The following LIG1 variants were observed in gnomAD, a reference collection of about 807,000 sequenced individuals.
The protein encoded by LIG1 is DNA ligase 1.
In LIG1, 70 loss-of-function variants were observed where a neutral mutation model predicts 115.7. That is an observed-to-expected ratio of 0.60 (90% CI 0.50 to 0.74). LIG1 has a LOEUF of 0.74. Ranked by LOEUF, LIG1 falls within the 30% of genes least tolerant of loss-of-function variation. The pLI is 0.00. For missense variants in LIG1, 1,115 were observed against 1,225.6 expected, an observed-to-expected ratio of 0.91 and a Z score of 1.35; for synonymous variants, 487 against 495.3, an observed-to-expected ratio of 0.98 and a Z score of 0.22.
Position 48,143,892 on chromosome 19 carries a change from G to A in LIG1, c.848C>T (p.Pro283Leu), listed in dbSNP as rs574879811. 77 of 1,613,468 alleles carry A rather than the reference G, an allele frequency of 4.8e-5. No individual in the cohort carries two copies. The Middle Eastern group carries it at 6.6e-4, about 14-fold the overall frequency. Residue 283 changes from proline to leucine, a missense_variant, in exon 10 of 28, where the codon CCG (proline) becomes CTG (leucine). Physicochemically the swap from Pro to Leu is moderately conservative, Grantham distance 98 (BLOSUM62 -3). Coordinates refer to ENST00000263274, the MANE Select transcript of LIG1 (RefSeq NM_000234.3). ...AAGGGAGAAACCTCACTTCTGGCCC[G>A]GTTTCCAGCAGGCATCTTCCACGGG... Reference protein sequence around the residue: ...YHPVEDACWKPGQKVPYLAVA... With the variant: ...YHPVEDACWKLGQKVPYLAVA...
rs189517194 is a variant in LIG1, at chr19:48,133,012, G to A, written c.1695C>T (p.Cys565=). ...LKRFEEAAFT[C]EYKYDGQRAQ... ...CCCTCTGCCCGTCATATTTGTATTCGCAGGTGAAAGCTGCCTCCTCAAAGC... is the reference window on the plus strand; with the variant it reads ...CCCTCTGCCCGTCATATTTGTATTCACAGGTGAAAGCTGCCTCCTCAAAGC... The change falls in exon 18 of 28, where the codon TGC becomes TGT. Residue 565 remains cysteine, a synonymous_variant. Transcript: ENST00000263274. The A allele has an allele frequency of 2.0e-5, 32 of 1,613,780 alleles. No homozygotes were observed. Among genetic ancestry groups the A allele is most frequent in the Admixed American group, 3.3e-5 (2 of 60,010 alleles).
chr19:48,155,136 C>A (rs781618714), intron 5 of LIG1, among the ~76,000 whole-genome samples: 5 of 152,138 alleles, frequency 3.3e-5, no homozygotes, highest in African/African-American at 7.2e-5. Flanking sequence ...ATGCCCTCAG[C>A]CACACTGTGA....
At chr19:48,163,107 G>A (rs60315650) in intron 2 of LIG1, among the ~76,000 whole-genome samples, 4,189 of 151,302 alleles carry the variant, frequency 0.028, 132 homozygotes, top group Middle Eastern at 0.064. Flanking sequence ...TGGTAGACAC[G>A]GGTTTTCTCC....
chr19:48,134,399 T>G (rs2034244130), intron 16 of LIG1, among the ~76,000 whole-genome samples: 1 of 152,222 alleles, frequency 6.6e-6, no homozygotes, highest in African/African-American at 2.4e-5. Context: ...CCTACAGGCA[T>G]GTAATCCCAG....
intron 5 of LIG1, among the ~76,000 whole-genome samples, chr19:48,156,670 C>T (rs961586525): frequency 1.3e-5 from 2 of 151,334 alleles, no homozygotes; most frequent in African/African-American, 4.9e-5. Flanking sequence ...TGGCTGGGTG[C>T]GGTGGCTCAC....
At chr19:48,128,168 T>G in intron 19 of LIG1, 148 bp from the exon 20 acceptor site, 4 of 703,518 alleles carry the variant, frequency 5.7e-6, no homozygotes, top group East Asian at 5.3e-5. Flanking sequence ...TTTTCTTTTA[T>G]TCCCCACCAA....
Position 48,121,302 on chromosome 19 carries a change from A to C in LIG1, c.2253T>G (p.Asp751Glu). The C allele has an allele frequency of 6.2e-7, 1 of 1,606,924 alleles. No homozygotes were observed. Among genetic ancestry groups the C allele is most frequent in the Non-Finnish European group, 8.5e-7 (1 of 1,174,730 alleles). Reference protein sequence around the residue: ...NWLKLKKDYLDGVGDTLDLVV... With the variant: ...NWLKLKKDYLEGVGDTLDLVV... The stretch of plus-strand genomic sequence containing the variant: ...CCAGGTCCAGGGTGTCACCCACGCC[A>C]TCAAGGTAGTCCTTCTTCAGCTGGG... Residue 751 changes from aspartate (D) to glutamate (E), a missense_variant, in exon 24 of 28, where the codon GAT (aspartate) becomes GAG (glutamate). Coordinates refer to ENST00000263274, the MANE Select transcript of LIG1 (RefSeq NM_000234.3).
chr19:48,151,428 G>A, intron 6 of LIG1, 89 bp from the exon 7 acceptor site: 2 of 836,030 alleles, frequency 2.4e-6, no homozygotes, highest in South Asian at 2.7e-5. Context: ...GCCCTCATCT[G>A]TCATCTGTTC....
Position 48,121,153 on chromosome 19 carries a change from C to T in LIG1, c.2385+17G>A. 1.2e-6 allele frequency: 2 copies of T among 1,614,070 alleles called. No homozygotes were observed. The highest frequency in any genetic ancestry group is 2.2e-5 in the South Asian group (2 of 91,076). The stretch of plus-strand genomic sequence containing the variant: ...CCTTCCCTCCTGCTTCTGCCATCAG[C>T]CCCAGTTCCCCAGGACCTTGCATAT... On this transcript the variant is annotated intron_variant, in intron 24 of 27. Coordinates refer to ENST00000263274, the MANE Select transcript of LIG1 (RefSeq NM_000234.3).
chr19:48,158,681 C>A (rs2035996125), intron 4 of LIG1, among the ~76,000 whole-genome samples: 1 of 152,252 alleles, frequency 6.6e-6, no homozygotes, highest in East Asian at 1.9e-4. Context: ...GCACAGCCGG[C>A]TTGCCGGGGG....
At chr19:48,151,061 A>G (rs2035442792) in intron 7 of LIG1, among the ~76,000 whole-genome samples, 171 bp downstream of exon 7, 1 of 152,006 alleles carries the variant, frequency 6.6e-6, no homozygotes, top group African/African-American at 2.4e-5. Context: ...ATGGGGAAAA[A>G]TAATAATTAA....
chr19:48,153,359 T>C (rs2035595661), intron 6 of LIG1, among the ~76,000 whole-genome samples: 1 of 152,010 alleles, frequency 6.6e-6, no homozygotes. Flanking sequence ...CTAAGAATGT[T>C]TGGGAACTGC....
In LIG1 at chr19:48,143,603, G is replaced by C. The variant is rs1030666895; in HGVS notation, c.858-4C>G. 3 of 1,611,290 alleles carry C rather than the reference G, an allele frequency of 1.9e-6. No homozygotes were observed. The highest frequency in any genetic ancestry group is 2.5e-6 in the Non-Finnish European group (3 of 1,178,920). Reference sequence around the variant, plus strand: ...GGCCACAGCCAGGTAAGGAACCCTAGGGAAGGAAAAGAGACGCAAGAGTGA... The same window carrying C: ...GGCCACAGCCAGGTAAGGAACCCTACGGAAGGAAAAGAGACGCAAGAGTGA... On this transcript the variant is annotated splice_polypyrimidine_tract_variant and splice_region_variant and intron_variant, in intron 10 of 27. Coordinates refer to ENST00000263274, the MANE Select transcript of LIG1 (RefSeq NM_000234.3).
chr19:48,123,490 A>G lies in LIG1; in HGVS notation c.2005-172T>C, dbSNP rs2033443670. 20 of 746,536 alleles carry G rather than the reference A, an allele frequency of 2.7e-5. No individual in the cohort carries two copies. The South Asian group carries it at 3.2e-4, about 12-fold the overall frequency. The allele number at this position is 746,536 out of a possible 1,614,324, so 46.2% of individuals were successfully genotyped here. Reference sequence around the variant, plus strand: ...CAGAAGGATTCTGAGAGCTTAAAGCATGGGGCTAGTCACTGGCAAGAGGGC... The same window carrying G: ...CAGAAGGATTCTGAGAGCTTAAAGCGTGGGGCTAGTCACTGGCAAGAGGGC... On this transcript the variant is annotated intron_variant, in intron 21 of 27. Transcript: ENST00000263274.
Position 48,127,340 on chromosome 19 carries a change from A to T in LIG1, c.1941T>A (p.Asp647Glu). The change falls in exon 21 of 28, where the codon GAT becomes GAA. Residue 647 changes from aspartate (D) to glutamate (E), a missense_variant. Coordinates refer to ENST00000263274, the MANE Select transcript of LIG1 (RefSeq NM_000234.3). The stretch of plus-strand genomic sequence containing the variant: ...ACACCTGCACCTGGATCTCAGACGC[A>T]TCCACCTCCTGGGTTGGGGCACAAC... The part of the protein sequence containing the change: ...VLTTRKRKEV[D>E]ASEIQVQVCL... The T allele has an allele frequency of 6.2e-7, 1 of 1,613,336 alleles. No individual in the cohort carries two copies. Among genetic ancestry groups the T allele is most frequent in the Non-Finnish European group, 8.5e-7 (1 of 1,180,022 alleles).
At chr19:48,117,979 G>T in intron 25 of LIG1, 198 bp from the exon 26 acceptor site, 1 of 624,924 alleles carries the variant, frequency 1.6e-6, no homozygotes, top group South Asian at 2.0e-5. Flanking sequence ...AACAGAAAGT[G>T]AAAGAAGGGA....
At chr19:48,141,964 T>C (rs527650509) in intron 11 of LIG1, among the ~76,000 whole-genome samples, 1 of 152,198 alleles carries the variant, frequency 6.6e-6, no homozygotes, top group South Asian at 2.1e-4. Context: ...GATGAGAGCA[T>C]AGTGAATGAA....
intron 11 of LIG1, among the ~76,000 whole-genome samples, chr19:48,142,840 AC>A (rs1326599218): frequency 9.9e-5 from 15 of 152,152 alleles, no homozygotes; most frequent in African/African-American, 3.6e-4. Flanking sequence ...ATGGGGTTTC[AC>A]CATGTTGGCC....
intron 14 of LIG1, among the ~76,000 whole-genome samples, chr19:48,136,483 T>A (rs1392272171): frequency 6.6e-6 from 1 of 152,162 alleles, no homozygotes. Context: ...GACCCCAGCA[T>A]GGTCCTTGCT....
Sources: gnomAD v4.1 joint callset for allele counts (sites outside exome capture counted in the v4.1 genomes callset) on GRCh38, gnomAD v4.1.1 for gene constraint, MANE v1.5 for transcripts, NCBI Gene and HGNC (gene_info 2026-07-23, HGNC 2026-07-21) for gene names.